Variants in BBOF1 observed in about 807,000 individuals in gnomAD.
BBOF1 encodes basal body-orientation factor 1.
In BBOF1, 62 loss-of-function variants were observed where a neutral mutation model predicts 68.0. The observed-to-expected ratio is 0.91, with a 90% CI of 0.74 to 1.13. The LOEUF is 1.13. Among genes scored for constraint, BBOF1 ranks in the 50% most tolerant of loss-of-function variants. The probability of loss-of-function intolerance (pLI) is 0.00; values close to 1 mark genes in which losing one functional copy is unlikely to be tolerated. For missense variants in BBOF1, 534 were observed against 600.1 expected, an observed-to-expected ratio of 0.89 and a Z score of 1.15; for synonymous variants, 208 against 198.8, an observed-to-expected ratio of 1.05 and a Z score of -0.39.
intron 7 of BBOF1, among the ~76,000 whole-genome samples, chr14:74,048,910 T>A (rs2060008361): frequency 6.6e-6 from 1 of 152,178 alleles, no homozygotes; most frequent in African/African-American, 2.4e-5. Context: ...AGTCTCACTC[T>A]CACCCAGGCT....
chr14:74,038,120 G>A (rs116027231), intron 4 of BBOF1, among the ~76,000 whole-genome samples: 2,842 of 151,970 alleles, frequency 0.019, 88 homozygotes, highest in African/African-American at 0.065. Flanking sequence ...CTAATAGATT[G>A]CACTCACTTG....
At chr14:74,077,493 G>A (rs2060624762) in intron 9 of BBOF1, among the ~76,000 whole-genome samples, 1 of 152,148 alleles carries the variant, frequency 6.6e-6, no homozygotes, top group Admixed American at 6.6e-5. Flanking sequence ...TCTGTCCTGT[G>A]TCATAATATA....
chr14:74,038,095 T>A (rs1426173500), intron 4 of BBOF1, among the ~76,000 whole-genome samples: 1 of 152,220 alleles, frequency 6.6e-6, no homozygotes, highest in Non-Finnish European at 1.5e-5. Flanking sequence ...TTATTTATCA[T>A]TTATCTTATC....
downstream of BBOF1, among the ~76,000 whole-genome samples, chr14:74,068,343 C>T (rs1383324708): frequency 6.6e-6 from 1 of 151,402 alleles, no homozygotes; most frequent in African/African-American, 2.4e-5. Context: ...GGCACCACTG[C>T]ACTCTAGCCT....
intron 11 of BBOF1, among the ~76,000 whole-genome samples, chr14:74,064,123 C>A (rs1044698752): frequency 6.6e-6 from 1 of 151,440 alleles, no homozygotes. Flanking sequence ...CATGGTGAAA[C>A]CCTGTCTCTA....
intron 8 of BBOF1, among the ~76,000 whole-genome samples, chr14:74,053,859 A>C (rs2060123541): frequency 6.7e-6 from 1 of 149,274 alleles, no homozygotes; most frequent in African/African-American, 2.5e-5. Flanking sequence ...CTACAGGTGC[A>C]TGCCACCACG....
At chr14:74,026,444 C>CAAAAA (rs1166375665) in intron 2 of BBOF1, among the ~76,000 whole-genome samples, 10 of 33,012 alleles carry the variant, frequency 3.0e-4, no homozygotes, top group South Asian at 1.4e-3. Flanking sequence ...AACTCCATCT[C>CAAAAA]AAAAAAAAAA....
downstream of BBOF1, chr14:74,069,055 C>G: frequency 6.7e-7 from 1 of 1,502,324 alleles, no homozygotes; most frequent in Non-Finnish European, 9.2e-7. Context: ...CCCCTTTCCC[C>G]ACTGCTATGG....
intron 8 of BBOF1, chr14:74,054,902 C>G (rs1226526454): frequency 6.5e-6 from 1 of 155,020 alleles, no homozygotes; most frequent in Non-Finnish European, 1.4e-5. Flanking sequence ...TGGTCTCGAA[C>G]TCCTAACCTG....
At chr14:74,050,674 C>T (rs35733055) in intron 8 of BBOF1, among the ~76,000 whole-genome samples, 16,928 of 151,834 alleles carry the variant, frequency 0.11, 1,235 homozygotes, top group Admixed American at 0.19. Flanking sequence ...GAATTACAGG[C>T]GTGAGCCACT....
intron 3 of BBOF1, among the ~76,000 whole-genome samples, chr14:74,033,477 G>A (rs2059623547): frequency 2.0e-5 from 3 of 152,206 alleles, no homozygotes; most frequent in Non-Finnish European, 2.9e-5. Context: ...GCTGAGGCAG[G>A]GAGAATTGCT....
chr14:74,034,288 G>A (rs1466390625), intron 4 of BBOF1, 117 bp downstream of exon 4: 1 of 658,942 alleles, frequency 1.5e-6, no homozygotes, highest in East Asian at 3.4e-5. Flanking sequence ...TGACATTTTA[G>A]AAATTATTTG....
At chr14:74,076,490 T>C (rs549064604) in intron 9 of BBOF1, among the ~76,000 whole-genome samples, 1 of 152,244 alleles carries the variant, frequency 6.6e-6, no homozygotes, top group South Asian at 2.1e-4. Flanking sequence ...GCCTGCCAAG[T>C]AGCTCAGATT....
At chr14:74,050,513 T>G (rs975413651) in intron 8 of BBOF1, among the ~76,000 whole-genome samples, 1 of 152,264 alleles carries the variant, frequency 6.6e-6, no homozygotes, top group South Asian at 2.1e-4. Flanking sequence ...TTCCTTTGTT[T>G]CCCATAAATT....
At chr14:74,038,646 C>T (rs2059763176) in intron 4 of BBOF1, among the ~76,000 whole-genome samples, 1 of 152,038 alleles carries the variant, frequency 6.6e-6, no homozygotes, top group Non-Finnish European at 1.5e-5. Flanking sequence ...ATTCATTATA[C>T]AAATTACAAA....
intron 9 of BBOF1, among the ~76,000 whole-genome samples, chr14:74,077,004 C>CA (rs1193220667): frequency 1.3e-5 from 2 of 152,174 alleles, no homozygotes; most frequent in Non-Finnish European, 2.9e-5. Context: ...TATAGAGCTG[C>CA]ATGAAGGGTG....
chr14:74,067,692 G>A, downstream of BBOF1: 1 of 1,034,462 alleles, frequency 9.7e-7, no homozygotes, highest in East Asian at 2.5e-5. Context: ...GAAGGCTGAG[G>A]TGAGAAGGAT....
chr14:74,071,597 T>A lies in BBOF1; in HGVS notation n.1380-6599T>A, dbSNP rs547353804. On this transcript the variant is annotated intron_variant and non_coding_transcript_variant, in intron 9 of 12. Coordinates refer to the BBOF1 transcript ENST00000492026. Reference sequence around the variant, plus strand: ...GAGGACAGGAAGTGGTTCAGGCCAATGAAGGGGTGCAGGGTACACTGACTT... The same window carrying A: ...GAGGACAGGAAGTGGTTCAGGCCAAAGAAGGGGTGCAGGGTACACTGACTT... 8 of 1,602,730 alleles carry A rather than the reference T, an allele frequency of 5.0e-6. No individual in the cohort carries two copies. In the East Asian group the frequency reaches 1.6e-4, roughly 31 times the overall value.
At chr14:74,036,118 C>G (rs113453029) in intron 4 of BBOF1, among the ~76,000 whole-genome samples, 1 of 151,554 alleles carries the variant, frequency 6.6e-6, no homozygotes, top group Admixed American at 6.6e-5. Flanking sequence ...TGCAGTGGCG[C>G]GATCTCTGCT....
Sources: allele counts gnomAD v4.1 joint callset (sites outside exome capture counted in the v4.1 genomes callset), GRCh38; gene constraint gnomAD v4.1.1; transcripts MANE v1.5; gene names NCBI Gene and HGNC (gene_info 2026-07-23, HGNC 2026-07-21).